Variants in CELSR1 observed in about 807,000 individuals in gnomAD.
The protein encoded by CELSR1 is cadherin EGF LAG seven-pass G-type receptor 1, also known as adhesion G protein-coupled receptor C1.
Under a neutral mutation model 249.1 loss-of-function variants are expected in CELSR1, and 110 were observed. The observed-to-expected ratio is 0.44, with a 90% CI of 0.38 to 0.52. The LOEUF (loss-of-function observed/expected upper bound fraction) is 0.52, where lower values mean the gene tolerates loss of function less well. Among genes scored for constraint, CELSR1 ranks in the 20% least tolerant of loss-of-function variants. CELSR1 has a pLI of 0.00. For synonymous variants in CELSR1, 2,113 were observed against 1,900.0 expected (o/e 1.11, Z -2.92); for missense variants, 4,109 against 4,296.4 (o/e 0.96, Z 1.22).
At chr22:46,438,723 G>A (rs912050452) in intron 3 of CELSR1, among the ~76,000 whole-genome samples, 3 of 152,126 alleles carry the variant, frequency 2.0e-5, no homozygotes, top group African/African-American at 7.2e-5. Context: ...AAGAGAAGTG[G>A]GTTAAGGGGT....
At chr22:46,531,860 G>A (rs2147817527) in intron 1 of CELSR1, among the ~76,000 whole-genome samples, 1 of 152,292 alleles carries the variant, frequency 6.6e-6, no homozygotes, top group Admixed American at 6.5e-5. Context: ...GTGGTGGTCT[G>A]GGGGGTGGTG....
At chr22:46,489,524 G>T (rs2080347422) in intron 1 of CELSR1, among the ~76,000 whole-genome samples, 1 of 152,044 alleles carries the variant, frequency 6.6e-6, no homozygotes, top group Non-Finnish European at 1.5e-5. Flanking sequence ...GCCCCAGACT[G>T]CCCCTAACTA....
chr22:46,498,527 CACTTG>C (rs1406149767), intron 1 of CELSR1, among the ~76,000 whole-genome samples: 1 of 150,288 alleles, frequency 6.7e-6, no homozygotes, highest in African/African-American at 2.5e-5. Flanking sequence ...GCAGGAGAGT[CACTTG>C]AATCCAGGAG....
In CELSR1 at chr22:46,364,224, G is replaced by C; in HGVS notation, c.8807C>G (p.Pro2936Arg). Residue 2936 changes from proline to arginine, a missense_variant, in exon 34 of 35, where the codon CCG becomes CGG. Physicochemically the swap from Pro to Arg is moderately radical, Grantham distance 103. Around this residue, in one of 7 missense-constraint regions of CELSR1, gnomAD observed 1,805 missense variants for 1,831.6 expected, o/e 0.99. Coordinates refer to ENST00000674500, the MANE Select transcript of CELSR1 (RefSeq NM_001378328.1). The part of the protein sequence containing the change: ...KGILKNKVTY[P>R]PPLTLTEQTL... ...CTGCTCCGTCAGCGTCAGCGGCGGC[G>C]GGTAGGTGACTTTATTTTTCAAGAT... The C allele has an allele frequency of 1.2e-6, 2 of 1,610,278 alleles. No individual in the cohort carries two copies. Among genetic ancestry groups the C allele is most frequent in the Non-Finnish European group, 1.7e-6 (2 of 1,179,666 alleles).
chr22:46,528,100 CAAA>C (rs552037712), intron 1 of CELSR1, among the ~76,000 whole-genome samples: 1 of 81,696 alleles, frequency 1.2e-5, no homozygotes. Context: ...AAGACTGTCT[CAAA>C]AAAAAAAAAA....
chr22:46,386,351 C>A, intron 19 of CELSR1, 51 bp downstream of exon 19: 1 of 1,454,376 alleles, frequency 6.9e-7, no homozygotes, highest in Non-Finnish European at 9.1e-7. Context: ...AGCTCTGGGG[C>A]ACACCCCTGA....
rs1481551088 is a variant in CELSR1, at chr22:46,490,172, C to T, written c.3545-25827G>A. The stretch of plus-strand genomic sequence containing the variant: ...TGGAGTGCATGGGTCCTGCTCTCCT[C>T]CAGCCATAAGACACACTCAGACACA... On this transcript the variant is annotated intron_variant, in intron 1 of 34. Transcript: ENST00000674500. The surrounding 1 kb of genome is among the most constrained non-coding windows in gnomAD (Gnocchi z 5.2). 6.6e-6 allele frequency among the ~76,000 whole-genome samples: 1 copy of T among 152,216 alleles called. No individual in the cohort carries two copies. Among genetic ancestry groups the T allele is most frequent in the African/African-American group, 2.4e-5 (1 of 41,464 alleles).
At chr22:46,495,682 G>A (rs146501892) in intron 1 of CELSR1, among the ~76,000 whole-genome samples, 1 of 152,000 alleles carries the variant, frequency 6.6e-6, no homozygotes, top group Non-Finnish European at 1.5e-5. Flanking sequence ...CAGGCATGGT[G>A]GTGGGCGCCT....
chr22:46,498,936 C>G (rs541113822), intron 1 of CELSR1, among the ~76,000 whole-genome samples: 16 of 152,104 alleles, frequency 1.1e-4, no homozygotes, highest in African/African-American at 3.9e-4. Context: ...TCCCAGCACT[C>G]TGGGAGGCCG....
intron 14 of CELSR1, among the ~76,000 whole-genome samples, chr22:46,392,436 T>C (rs1439083835): frequency 9.9e-5 from 15 of 152,244 alleles, no homozygotes; most frequent in East Asian, 9.6e-4. Context: ...GGACTCCGAC[T>C]GTGTGTAAAA....
Position 46,362,791 on chromosome 22 carries a change from G to A in CELSR1, c.*432C>T, listed in dbSNP as rs1340729457. 3.8e-5 allele frequency: 9 copies of A among 235,886 alleles called. No individual in the cohort carries two copies. Among genetic ancestry groups the A allele is most frequent in the Admixed American group, 3.6e-4 (7 of 19,556 alleles). The allele number at this position is 235,886 out of a possible 1,614,324, so 14.6% of individuals were successfully genotyped here. A position where few individuals can be genotyped will look rare whatever the true frequency, so the allele number is the denominator to read the frequency against. ...AAGGACTGCCCGGGCTGCCAGCCAC[G>A]GGTCCGCACTGCCATGAGATGCCCG... On this transcript the variant is annotated 3_prime_UTR_variant, in exon 35 of 35. Coordinates refer to ENST00000674500, the MANE Select transcript of CELSR1 (RefSeq NM_001378328.1).
chr22:46,504,263 C>T (rs1054124278), intron 1 of CELSR1, among the ~76,000 whole-genome samples: 1 of 151,940 alleles, frequency 6.6e-6, no homozygotes, highest in Non-Finnish European at 1.5e-5. Context: ...CCTATAATCC[C>T]AGCACTTTGG....
chr22:46,370,733 G>A (rs570313781), intron 25 of CELSR1, among the ~76,000 whole-genome samples: 1 of 152,304 alleles, frequency 6.6e-6, no homozygotes, highest in African/African-American at 2.4e-5. Flanking sequence ...ACTGCCCTCT[G>A]GAGGAGCCAG....
chr22:46,377,543 G>T (rs539675641), intron 23 of CELSR1: 2 of 476,772 alleles, frequency 4.2e-6, no homozygotes, highest in Non-Finnish European at 7.7e-6. Context: ...GCTTTGGGGC[G>T]CCCAGGCCAT....
chr22:46,469,789 C>T (rs905104398), intron 1 of CELSR1, among the ~76,000 whole-genome samples: 7 of 150,578 alleles, frequency 4.6e-5, no homozygotes, highest in African/African-American at 1.7e-4. Flanking sequence ...ACTGAGATTA[C>T]AAGCGTGAAC....
chr22:46,521,755 C>T (rs1423712423), intron 1 of CELSR1, among the ~76,000 whole-genome samples: 5 of 144,672 alleles, frequency 3.5e-5, no homozygotes, highest in African/African-American at 7.7e-5. Context: ...AGGTAGAGGC[C>T]GCAGTGAGCC....
At position 46,395,174 on chromosome 22, in the gene CELSR1, C is replaced by T. The variant is rs1015532657; in HGVS notation, c.5844-912G>A. Among the ~76,000 whole-genome samples, 1 of 149,840 alleles carries T rather than the reference C, an allele frequency of 6.7e-6. No homozygotes were observed. The highest frequency in any genetic ancestry group is 2.5e-5 in the African/African-American group (1 of 40,058). On this transcript the variant is annotated intron_variant, in intron 13 of 34. Transcript: ENST00000674500. The surrounding 1 kb of genome is among the most constrained non-coding windows in gnomAD (Gnocchi z 5.5). ...TCTGGCGTTTATGGATGTGTGTGTG[C>T]AGCGTGGGGGCCCCAGAACCTTCAT...
intron 2 of CELSR1, among the ~76,000 whole-genome samples, chr22:46,449,791 G>T (rs2079861329): frequency 6.6e-6 from 1 of 152,160 alleles, no homozygotes; most frequent in Non-Finnish European, 1.5e-5. Context: ...GAAGAATTCA[G>T]GCAGGGCAGC....
At chr22:46,528,471 G>A (rs1247568837) in intron 1 of CELSR1, among the ~76,000 whole-genome samples, 2 of 152,258 alleles carry the variant, frequency 1.3e-5, no homozygotes, top group South Asian at 2.1e-4. Context: ...AGGAGAGGCA[G>A]GGACATCGCC....
Sources: gnomAD v4.1 joint callset for allele counts (sites outside exome capture counted in the v4.1 genomes callset) on GRCh38, gnomAD v4.1.1 for gene constraint, gnomAD v4.1.1 regional missense constraint, Gnocchi (gnomAD v3.1) non-coding constraint, MANE v1.5 for transcripts, NCBI Gene and HGNC (gene_info 2026-07-23, HGNC 2026-07-21) for gene names.